The following KIF9 variants were observed in gnomAD, a reference collection of about 807,000 sequenced individuals.
The protein encoded by KIF9 is kinesin-like protein KIF9.
A neutral mutation model predicts 94.8 loss-of-function variants in KIF9; 68 were observed. The ratio of observed to expected loss-of-function variants is 0.72; its 90% CI spans 0.59 to 0.88. The LOEUF is 0.88. Among genes scored for constraint, KIF9 ranks in the 40% least tolerant of loss-of-function variants. The probability of loss-of-function intolerance (pLI) is 0.00; values close to 1 mark genes in which losing one functional copy is unlikely to be tolerated. For synonymous variants in KIF9, 343 were observed against 362.1 expected (o/e 0.95, Z 0.60); for missense variants, 882 against 982.5 (o/e 0.90, Z 1.37).
At position 47,236,456 on chromosome 3, in the gene KIF9, G is replaced by GTGGC. The variant is rs1699033799; in HGVS notation, c.2084_2087dup (p.His696GlnfsTer9). On this transcript the variant is annotated frameshift_variant, in exon 18 of 21. Transcript: ENST00000684063. LOFTEE classifies it high-confidence loss of function. ...CAACTGTCGCACCCATGAGCAGGCG[G>GTGGC]TGGCGACACTGATCCACTAGGTGCT... is the stretch of plus-strand genomic sequence containing the variant. 1 of 1,613,008 alleles carries GTGGC rather than the reference G, an allele frequency of 6.2e-7. No homozygotes were observed. The highest frequency in any genetic ancestry group is 1.3e-5 in the African/African-American group (1 of 74,888).
intron 13 of KIF9, 31 bp downstream of exon 13, chr3:47,246,166 T>C: frequency 3.1e-6 from 5 of 1,597,572 alleles, no homozygotes; most frequent in Non-Finnish European, 4.3e-6. Context: ...CAGCCTGATG[T>C]AGGAATGAGG....
chr3:47,247,270 C>T (rs1482400876), intron 12 of KIF9, 103 bp downstream of exon 12: 4 of 749,508 alleles, frequency 5.3e-6, no homozygotes, highest in Non-Finnish European at 9.6e-6. Context: ...CCACTGCACC[C>T]ATTCACATGA....
Position 47,240,932 on chromosome 3 carries a change from T to C in KIF9, c.1793A>G (p.Glu598Gly). 1 of 1,614,202 alleles carries C rather than the reference T, an allele frequency of 6.2e-7. No homozygotes were observed. The change falls in exon 17 of 21, where the codon GAA (glutamate) becomes GGA (glycine). Residue 598 changes from glutamate (E) to glycine (G), a missense_variant. Transcript: ENST00000684063. Reference sequence around the variant, plus strand: ...CCGTTCATTCAAGATGGATTTGTTTTCTTTGAAAATTCGGTTGATCTCACT... The same window carrying C: ...CCGTTCATTCAAGATGGATTTGTTTCCTTTGAAAATTCGGTTGATCTCACT... ...QGSEINRIFK[E>G]NKSILNERRK...
chr3:47,243,472 G>A (rs1367267293), intron 15 of KIF9: 5 of 392,346 alleles, frequency 1.3e-5, no homozygotes, highest in East Asian at 3.7e-5. Context: ...AAGAGCCCTC[G>A]GTGGTCTTGG....
chr3:47,254,888 T>A (rs1700477963), intron 10 of KIF9, among the ~76,000 whole-genome samples: 1 of 152,108 alleles, frequency 6.6e-6, no homozygotes, highest in Admixed American at 6.6e-5. Flanking sequence ...ACCAGCAGAA[T>A]CAGAAACTCT....
chr3:47,256,176 C>A (rs1307756638), intron 10 of KIF9, among the ~76,000 whole-genome samples: 1 of 152,210 alleles, frequency 6.6e-6, no homozygotes, highest in Non-Finnish European at 1.5e-5. Context: ...TCTGCTTGGC[C>A]GCCACCCCGT....
chr3:47,235,720 C>G (rs567046208), intron 19 of KIF9, 103 bp from the exon 20 acceptor site: 1 of 865,174 alleles, frequency 1.2e-6, no homozygotes, highest in South Asian at 1.5e-5. Context: ...TGCCACACAC[C>G]GCCCCACCGC....
chr3:47,241,857 T>C (rs1487708434), intron 16 of KIF9, among the ~76,000 whole-genome samples: 10 of 111,846 alleles, frequency 8.9e-5, no homozygotes, highest in Admixed American at 3.2e-4. Flanking sequence ...TATATATATA[T>C]ATATACACAT....
At position 47,282,553 on chromosome 3, in the gene KIF9, T is replaced by TC; in HGVS notation, c.-65dup. On this transcript the variant is annotated 5_prime_UTR_variant, in exon 1 of 21. An upstream open reading frame in the 5' UTR gains an earlier in-frame stop. Coordinates refer to ENST00000684063, the MANE Select transcript of KIF9 (RefSeq NM_182902.4). ...CTGCCGCAACCGAAACCACCTGCAC[T>TC]CCCCACGCGGGGCTGCCTGGCTGTG... 9.9e-7 allele frequency: 1 copy of TC among 1,013,840 alleles called. No homozygotes were observed. The highest frequency in any genetic ancestry group is 1.7e-5 in the African/African-American group (1 of 57,748). The allele number at this position is 1,013,840 out of a possible 1,614,324, so 62.8% of individuals were successfully genotyped here.
intron 17 of KIF9, chr3:47,239,578 ATTGT>A: frequency 9.4e-7 from 1 of 1,063,116 alleles, no homozygotes; most frequent in Non-Finnish European, 1.2e-6. Context: ...CTGAGAAATA[ATTGT>A]TTAATTGTTA....
intron 16 of KIF9, among the ~76,000 whole-genome samples, chr3:47,241,659 ATGTG>A (rs141584824): frequency 2.0e-5 from 3 of 147,726 alleles, no homozygotes; most frequent in South Asian, 2.1e-4. Context: ...GTATATATAT[ATGTG>A]TGTGTGTGTA....
At chr3:47,268,022 C>A (rs991256264) in intron 5 of KIF9, among the ~76,000 whole-genome samples, 2 of 151,944 alleles carry the variant, frequency 1.3e-5, no homozygotes, top group African/African-American at 4.8e-5. Context: ...CCAGCGTGCA[C>A]TACCACACCT....
chr3:47,246,373 G>C, intron 12 of KIF9, 121 bp from the exon 13 acceptor site: 1 of 624,276 alleles, frequency 1.6e-6, no homozygotes, highest in Middle Eastern at 3.1e-4. Flanking sequence ...GTCTCGAGAA[G>C]AGGACGTGTG....
At chr3:47,248,311 G>A in intron 10 of KIF9, 1 of 529,444 alleles carries the variant, frequency 1.9e-6, no homozygotes, top group South Asian at 2.4e-5. Flanking sequence ...CAGTCCCCTG[G>A]CCTTTGCTAC....
At chr3:47,241,650 T>C (rs1699497934) in intron 16 of KIF9, among the ~76,000 whole-genome samples, 1 of 136,096 alleles carries the variant, frequency 7.3e-6, no homozygotes, top group African/African-American at 2.6e-5. Context: ...TGTGTGTGTG[T>C]ATATATATAT....
intron 4 of KIF9, among the ~76,000 whole-genome samples, chr3:47,271,771 C>T (rs1484023605): frequency 6.6e-6 from 1 of 152,098 alleles, no homozygotes; most frequent in Non-Finnish European, 1.5e-5. Context: ...ACATATAAAT[C>T]TCTGTGAATG....
In KIF9 at chr3:47,228,386, G is replaced by A. The variant is rs1273325517; in HGVS notation, c.*266C>T. Reference sequence around the variant, plus strand: ...GACAGGAAATAAGACAAAGTTCTCAGATGAGCACTGAAAGTCCAAACTAGA... The same window carrying A: ...GACAGGAAATAAGACAAAGTTCTCAAATGAGCACTGAAAGTCCAAACTAGA... On this transcript the variant is annotated 3_prime_UTR_variant, in exon 21 of 21. Coordinates refer to ENST00000684063, the MANE Select transcript of KIF9 (RefSeq NM_182902.4). 4 of 452,204 alleles carry A rather than the reference G, an allele frequency of 8.8e-6. No homozygotes were observed. Among genetic ancestry groups the A allele is most frequent in the African/African-American group, 5.9e-5 (3 of 50,644 alleles). 28.0% of individuals were successfully genotyped at this position (452,204 alleles called of 1,614,324 possible). A position where few individuals can be genotyped will look rare whatever the true frequency, so the allele number is the denominator to read the frequency against.
rs1702475652 is a variant in KIF9, at chr3:47,282,688, A to G, written c.-199T>C. The G allele has an allele frequency of 1.5e-6, 2 of 1,342,142 alleles. No homozygotes were observed. Among genetic ancestry groups the G allele is most frequent in the African/African-American group, 1.5e-5 (1 of 67,340 alleles). The allele number at this position is 1,342,142 out of a possible 1,614,324, so 83.1% of individuals were successfully genotyped here. ...AGGATACGGGTGAGGTCATGGCCGA[A>G]TCGGGAAGACGAGAGATGGGGCCGA... On this transcript the variant is annotated 5_prime_UTR_variant, in exon 1 of 21. Coordinates refer to ENST00000684063, the MANE Select transcript of KIF9 (RefSeq NM_182902.4).
chr3:47,253,535 C>T (rs192250300), intron 10 of KIF9, among the ~76,000 whole-genome samples: 1 of 152,236 alleles, frequency 6.6e-6, no homozygotes, highest in East Asian at 1.9e-4. Context: ...AATCCACTCC[C>T]CTCCCATCCC....
Sources: allele counts gnomAD v4.1 joint callset (sites outside exome capture counted in the v4.1 genomes callset), GRCh38; gene constraint gnomAD v4.1.1; transcripts MANE v1.5; gene names NCBI Gene and HGNC (gene_info 2026-07-23, HGNC 2026-07-21).